RTN4: variants seen among roughly 807,000 people sequenced by gnomAD.
The protein encoded by RTN4 is reticulon 4.
Under a neutral mutation model 90.4 loss-of-function variants are expected in RTN4, and 32 were observed. That is an observed-to-expected ratio of 0.35 (90% CI 0.27 to 0.48). The LOEUF (loss-of-function observed/expected upper bound fraction) is 0.48. Ranked by LOEUF, RTN4 falls within the 20% of genes least tolerant of loss-of-function variation. The pLI is 0.99. For missense variants in RTN4, 1,706 were observed against 1,430.2 expected, an observed-to-expected ratio of 1.19 and a Z score of -3.11; for synonymous variants, 629 against 552.5, an observed-to-expected ratio of 1.14 and a Z score of -1.94.
chr2:55,006,778 C>T (rs534380654), intron 3 of RTN4, among the ~76,000 whole-genome samples: 38 of 152,076 alleles, frequency 2.5e-4, no homozygotes, highest in Non-Finnish European at 2.9e-4. Context: ...TATTTAATTG[C>T]CCATTCCTTC....
At chr2:54,990,790 T>C (rs1057047178) in intron 3 of RTN4, among the ~76,000 whole-genome samples, 1 of 152,012 alleles carries the variant, frequency 6.6e-6, no homozygotes, top group Non-Finnish European at 1.5e-5. Flanking sequence ...ATTTTTCTTT[T>C]ACTTTTTTTT....
chr2:55,122,675 A>C, the RTN4 span, among the ~76,000 whole-genome samples: 1 of 152,240 alleles, frequency 6.6e-6, no homozygotes, highest in Non-Finnish European at 1.5e-5. Flanking sequence ...AACAGAGCTG[A>C]GCCCAGATTA....
At chr2:55,102,014 T>G (rs1416395151) in intron 1 of RTN4, among the ~76,000 whole-genome samples, 1 of 152,166 alleles carries the variant, frequency 6.6e-6, no homozygotes, top group Non-Finnish European at 1.5e-5. Flanking sequence ...CTTTTAGATG[T>G]GACATCTGAA....
At chr2:55,062,904 CTG>C (rs1401377716) in intron 2 of RTN4, among the ~76,000 whole-genome samples, 1 of 152,190 alleles carries the variant, frequency 6.6e-6, no homozygotes, top group Non-Finnish European at 1.5e-5. Flanking sequence ...TGAATAAAAA[CTG>C]TATTTGCCTT....
At chr2:54,988,145 C>T (rs1029712138) in intron 3 of RTN4, among the ~76,000 whole-genome samples, 1 of 152,118 alleles carries the variant, frequency 6.6e-6, no homozygotes, top group African/African-American at 2.4e-5. Context: ...GGCAAAACTC[C>T]GTCTCTACTG....
the RTN4 span, among the ~76,000 whole-genome samples, chr2:55,123,872 T>G: frequency 6.6e-6 from 1 of 152,134 alleles, no homozygotes; most frequent in Non-Finnish European, 1.5e-5. Context: ...TTGCAAATTG[T>G]GTAGCCAGCC....
intron 2 of RTN4, among the ~76,000 whole-genome samples, chr2:55,077,615 G>T (rs1242908058): frequency 6.6e-6 from 1 of 151,898 alleles, no homozygotes; most frequent in Admixed American, 6.6e-5. Flanking sequence ...CCCACTCCTG[G>T]GTATCTACCC....
intron 3 of RTN4, among the ~76,000 whole-genome samples, chr2:55,017,408 G>A (rs559855293): frequency 1.3e-5 from 2 of 152,058 alleles, no homozygotes; most frequent in Non-Finnish European, 2.9e-5. Context: ...AGACAAACAA[G>A]CCCTTTTAAA....
chr2:55,057,589 G>A (rs1668211345), intron 2 of RTN4, among the ~76,000 whole-genome samples: 1 of 152,172 alleles, frequency 6.6e-6, no homozygotes, highest in Non-Finnish European at 1.5e-5. Flanking sequence ...AAGCAATTAA[G>A]ACTTGATAAG....
chr2:55,135,959 G>A, the RTN4 span, among the ~76,000 whole-genome samples: 1 of 152,260 alleles, frequency 6.6e-6, no homozygotes, highest in Non-Finnish European at 1.5e-5. Flanking sequence ...ACTTGTTAGA[G>A]CAGTTAGCTA....
At chr2:54,977,096 T>C (rs185349633) in intron 5 of RTN4, among the ~76,000 whole-genome samples, 161 of 152,276 alleles carry the variant, frequency 1.1e-3, no homozygotes, top group African/African-American at 3.4e-3. Context: ...GGAAGGGGTA[T>C]CTTTAAGGCA....
chr2:55,040,227 T>G (rs1036286209), intron 1 of RTN4, among the ~76,000 whole-genome samples: 1 of 152,208 alleles, frequency 6.6e-6, no homozygotes, highest in Non-Finnish European at 1.5e-5. Flanking sequence ...AAAATTTGGT[T>G]TTTATACAAA....
chr2:55,092,762 G>A (rs1341001149), intron 1 of RTN4, among the ~76,000 whole-genome samples: 1 of 152,192 alleles, frequency 6.6e-6, no homozygotes. Context: ...ATATGTAGAT[G>A]CCCTTTTCCA....
intron 1 of RTN4, among the ~76,000 whole-genome samples, chr2:55,081,059 T>C (rs562617945): frequency 6.6e-6 from 1 of 152,088 alleles, no homozygotes; most frequent in African/African-American, 2.4e-5. Flanking sequence ...CTTTCTTTCT[T>C]TCATTCTTTC....
At chr2:55,057,736 G>A (rs887245630) in intron 2 of RTN4, among the ~76,000 whole-genome samples, 1 of 152,158 alleles carries the variant, frequency 6.6e-6, no homozygotes, top group Non-Finnish European at 1.5e-5. Flanking sequence ...TATAATCCCA[G>A]CACCTAGGGA....
chr2:55,017,848 T>C (rs1161086570), intron 3 of RTN4, among the ~76,000 whole-genome samples: 1 of 152,184 alleles, frequency 6.6e-6, no homozygotes. Context: ...AGAAATGTCT[T>C]ACATTGCCTA....
At chr2:54,991,929 C>T (rs954050200) in intron 3 of RTN4, among the ~76,000 whole-genome samples, 8 of 152,124 alleles carry the variant, frequency 5.3e-5, no homozygotes, top group South Asian at 2.1e-4. Flanking sequence ...AAAAATGATA[C>T]GCTTAAGCCT....
Position 55,050,031 on chromosome 2 carries a change from G to T in RTN4, c.270C>A (p.Pro90=). ...GGGGAGCGGCCGGCAGGGGTCCCCG[G>T]GGCGCCGGCGGCACGAAGTCATTTC... ...DFGNDFVPPA[P]RGPLPAAPPV... Residue 90 remains proline (P), a synonymous_variant, in exon 1 of 9, where the codon CCC becomes CCA. Coordinates refer to ENST00000337526, the MANE Select transcript of RTN4 (RefSeq NM_020532.5). This position sits in a 1 kb window ranked among gnomAD's most constrained non-coding sequence, Gnocchi z 4.6. The T allele has an allele frequency of 1.4e-6, 2 of 1,398,032 alleles. No individual in the cohort carries two copies. The highest frequency in any genetic ancestry group is 1.8e-6 in the Non-Finnish European group (2 of 1,083,236). The allele number at this position is 1,398,032 out of a possible 1,614,324, so 86.6% of individuals were successfully genotyped here.
chr2:55,002,090 C>T (rs1679890539), intron 3 of RTN4, among the ~76,000 whole-genome samples: 1 of 151,558 alleles, frequency 6.6e-6, no homozygotes. Context: ...ACAGTGTCTC[C>T]CTCTGTCACC....
Sources: gnomAD v4.1 joint callset for allele counts (sites outside exome capture counted in the v4.1 genomes callset) on GRCh38, gnomAD v4.1.1 for gene constraint, Gnocchi (gnomAD v3.1) non-coding constraint, MANE v1.5 for transcripts, NCBI Gene and HGNC (gene_info 2026-07-23, HGNC 2026-07-21) for gene names.